ATP13A4: variants seen among roughly 807,000 people sequenced by gnomAD.
ATP13A4 encodes the protein probable cation-transporting ATPase 13A4.
ATP13A4 carries 114 observed loss-of-function variants against 142.5 expected under a neutral mutation model. The observed-to-expected ratio is 0.80, with a 90% confidence interval of 0.69 to 0.93. The LOEUF (loss-of-function observed/expected upper bound fraction) is 0.93. Ranked by LOEUF, ATP13A4 falls within the 40% of genes least tolerant of loss-of-function variation. The probability of loss-of-function intolerance (pLI) is 0.00; values close to 1 mark genes in which losing one functional copy is unlikely to be tolerated. For synonymous variants in ATP13A4, 488 were observed against 514.8 expected (o/e 0.95, Z 0.70); for missense variants, 1,392 against 1,454.0 (o/e 0.96, Z 0.69).
chr3:193,492,160 T>A (rs1719979225), intron 5 of ATP13A4, among the ~76,000 whole-genome samples: 1 of 152,180 alleles, frequency 6.6e-6, no homozygotes, highest in Non-Finnish European at 1.5e-5. Context: ...TGAAAAGTGG[T>A]CTGAGATCCT....
chr3:193,480,888 C>A (rs915695105), intron 8 of ATP13A4, among the ~76,000 whole-genome samples: 1 of 152,140 alleles, frequency 6.6e-6, no homozygotes, highest in Admixed American at 6.5e-5. Context: ...AAATGCCCAT[C>A]AATCTATGAG....
chr3:193,413,784 A>T (rs1017723478), intron 26 of ATP13A4, among the ~76,000 whole-genome samples: 1 of 152,210 alleles, frequency 6.6e-6, no homozygotes, highest in African/African-American at 2.4e-5. Flanking sequence ...TCTGTTGCTT[A>T]AGATGTTTAT....
chr3:193,415,772 A>G (rs933774288), intron 25 of ATP13A4, among the ~76,000 whole-genome samples: 30 of 152,242 alleles, frequency 2.0e-4, no homozygotes, highest in African/African-American at 7.0e-4. Flanking sequence ...TACAGTTGAT[A>G]CATAAAATAA....
intron 1 of ATP13A4, among the ~76,000 whole-genome samples, chr3:193,532,327 T>G (rs1162468095): frequency 6.6e-6 from 1 of 150,790 alleles, no homozygotes; most frequent in African/African-American, 2.4e-5. Flanking sequence ...GCAATGCTAT[T>G]CCTATACTTT....
rs1336283325 is a variant in ATP13A4, at chr3:193,459,221, C to A, written c.1534G>T (p.Val512Phe). 3 of 1,614,250 alleles carry A rather than the reference C, an allele frequency of 1.9e-6. No individual in the cohort carries two copies. The highest frequency in any genetic ancestry group is 1.1e-5 in the South Asian group (1 of 91,078). The change falls in exon 14 of 30, where the codon GTT becomes TTT. Residue 512 changes from valine to phenylalanine, a missense_variant. Physicochemically the swap from Val to Phe is conservative, Grantham distance 50. Transcript: ENST00000342695. ...GCCTGGCCTGAGGCAAAGCTGTGAA[C>A]TTCCTGAAAGCTTAAGGAGAAAAGG... ...VSCDRNGFQE[V>F]HSFASGQALP...
chr3:193,552,035 G>A (rs563237340), intron 1 of ATP13A4, among the ~76,000 whole-genome samples: 77 of 152,222 alleles, frequency 5.1e-4, no homozygotes, highest in African/African-American at 1.5e-3. Context: ...GTGCCATGGC[G>A]CGATCTTGGC....
At chr3:193,403,500 G>A (rs1276453195) in intron 29 of ATP13A4, among the ~76,000 whole-genome samples, 1 of 152,136 alleles carries the variant, frequency 6.6e-6, no homozygotes, top group Non-Finnish European at 1.5e-5. Context: ...TGCAGGGCAG[G>A]GCAGGGCATA....
rs1339082744 is a variant in ATP13A4 at position 193,553,564 on chromosome 3, G to A, written c.60+1176C>T. ...TAAAGAAACAAAGATGATATCCAAT[G>A]TGGGCTAGCAAGCCATTTCTGGTGA... On this transcript the variant is annotated intron_variant, in intron 1 of 29. Coordinates refer to ENST00000342695, the MANE Select transcript of ATP13A4 (RefSeq NM_032279.4). 15 of 152,176 alleles carry A rather than the reference G, an allele frequency of 9.9e-5. 1 individual carries two copies. The highest frequency in any genetic ancestry group is 9.8e-4 in the Admixed American group (15 of 15,278). 9.4% of individuals were successfully genotyped at this position (152,176 alleles called of 1,614,324 possible). A position where few individuals can be genotyped will look rare whatever the true frequency, so the allele number is the denominator to read the frequency against.
intron 21 of ATP13A4, among the ~76,000 whole-genome samples, chr3:193,439,869 A>C (rs1716519167): frequency 1.3e-5 from 2 of 152,158 alleles, no homozygotes; most frequent in Admixed American, 6.5e-5. Flanking sequence ...TAGCCTGATA[A>C]CGGAATCAAA....
chr3:193,498,059 A>G (rs1181014922), intron 3 of ATP13A4, among the ~76,000 whole-genome samples: 3 of 152,144 alleles, frequency 2.0e-5, no homozygotes, highest in African/African-American at 7.2e-5. Flanking sequence ...AATAGCTAGA[A>G]GAAAGGATTT....
At chr3:193,540,622 T>C (rs1392853210) in intron 1 of ATP13A4, among the ~76,000 whole-genome samples, 1 of 148,310 alleles carries the variant, frequency 6.7e-6, no homozygotes, top group Non-Finnish European at 1.5e-5. Context: ...ATATTACTAG[T>C]AATGCCAAAT....
At chr3:193,562,212 G>A (rs1231637598) in intron 2 of ATP13A4, among the ~76,000 whole-genome samples, 1 of 151,866 alleles carries the variant, frequency 6.6e-6, no homozygotes, top group Non-Finnish European at 1.5e-5. Flanking sequence ...CCCTGGGGTG[G>A]AAACAAACAA....
chr3:193,440,724 T>C (rs1201337883), intron 20 of ATP13A4, 87 bp from the exon 21 acceptor site: 2 of 1,364,998 alleles, frequency 1.5e-6, no homozygotes, highest in Middle Eastern at 1.8e-4. Flanking sequence ...GTTGACTGCA[T>C]CATGACACTT....
At chr3:193,527,628 G>T (rs924250597) in intron 1 of ATP13A4, among the ~76,000 whole-genome samples, 3 of 150,946 alleles carry the variant, frequency 2.0e-5, no homozygotes, top group Non-Finnish European at 4.4e-5. Flanking sequence ...AAAAAAAAAG[G>T]GCAGCACTTC....
chr3:193,542,309 A>G (rs1016503920), intron 1 of ATP13A4, among the ~76,000 whole-genome samples: 1 of 152,230 alleles, frequency 6.6e-6, no homozygotes, highest in African/African-American at 2.4e-5. Flanking sequence ...AACTCTGCCC[A>G]AGGAAATGAG....
intron 25 of ATP13A4, among the ~76,000 whole-genome samples, chr3:193,427,153 A>G (rs994338187): frequency 2.0e-5 from 3 of 152,124 alleles, no homozygotes; most frequent in Admixed American, 6.6e-5. Flanking sequence ...GCATTCTTAT[A>G]CACCACTAAC....
In ATP13A4 at chr3:193,447,503, C is replaced by A. The variant is rs147360636; in HGVS notation, c.2152+703G>T. Among the ~76,000 whole-genome samples the A allele has an allele frequency of 5.2e-3, 790 of 152,224 alleles. 4 individuals carry two copies. The highest frequency in any genetic ancestry group is 0.018 in the African/African-American group (752 of 41,544). On this transcript the variant is annotated intron_variant, in intron 18 of 29. Coordinates refer to ENST00000342695, the MANE Select transcript of ATP13A4 (RefSeq NM_032279.4). ...TGATAGAGTTAAAAGCATCTGACTA[C>A]AAGAGCAGGGAAAAGAAAGGCAACA...
intron 1 of ATP13A4, among the ~76,000 whole-genome samples, chr3:193,537,033 C>T (rs1722624894): frequency 6.6e-6 from 1 of 151,914 alleles, no homozygotes; most frequent in South Asian, 2.1e-4. Context: ...TAATTTTTGT[C>T]AAATTGATAT....
At chr3:193,523,175 G>T (rs1319727367) in intron 1 of ATP13A4, among the ~76,000 whole-genome samples, 1 of 152,056 alleles carries the variant, frequency 6.6e-6, no homozygotes, top group Non-Finnish European at 1.5e-5. Flanking sequence ...GTAGTGGCAG[G>T]TGCCTGTAAT....
Sources: allele counts gnomAD v4.1 joint callset (sites outside exome capture counted in the v4.1 genomes callset), GRCh38; gene constraint gnomAD v4.1.1; transcripts MANE v1.5; gene names NCBI Gene and HGNC (gene_info 2026-07-23, HGNC 2026-07-21).